Variants in DGKD observed in about 807,000 individuals in gnomAD.
DGKD encodes the protein diacylglycerol kinase delta, also known as DAG kinase delta.
Under a neutral mutation model 154.4 loss-of-function variants are expected in DGKD, and 68 were observed. That is an observed-to-expected ratio of 0.44 (90% confidence interval 0.36 to 0.54). The LOEUF is 0.54. DGKD is among the 20% of genes least tolerant of loss of function. DGKD has a pLI of 0.00. For missense variants in DGKD, 1,343 were observed against 1,593.6 expected (o/e 0.84, Z 2.68); for synonymous variants, 693 against 638.0 (o/e 1.09, Z -1.30).
At position 233,459,849 on chromosome 2, in the gene DGKD, G is replaced by C. The variant is rs1370732000; in HGVS notation, c.2787G>C (p.Arg929=). The part of the protein sequence containing the change: ...EAWVQPPGYI[R]IVHKNRAQTL... ...GGGTCCAGCCGCCAGGGTACATTCG[G>C]ATTGTCCACAAGAACCGGGCACAGA... is the stretch of plus-strand genomic sequence containing the variant. The change falls in exon 23 of 30, where the codon CGG becomes CGC. Residue 929 remains arginine, a synonymous_variant. Transcript: ENST00000264057. This position sits in a 1 kb window ranked among gnomAD's most constrained non-coding sequence, Gnocchi z 5.7. 1.9e-6 allele frequency: 3 copies of C among 1,614,112 alleles called. No homozygotes were observed. The highest frequency in any genetic ancestry group is 8.5e-7 in the Non-Finnish European group (1 of 1,179,998).
At chr2:233,389,537 G>T (rs553219044) in intron 2 of DGKD, among the ~76,000 whole-genome samples, 1 of 150,508 alleles carries the variant, frequency 6.6e-6, no homozygotes, top group African/African-American at 2.5e-5. Flanking sequence ...GAACAAAGCA[G>T]CTTGTTTAGA....
At position 233,470,754 on chromosome 2, in the gene DGKD, C is replaced by T. The variant is rs2063986695; in HGVS notation, c.*1294C>T. ...GGGAAGAGGTTTCTGTAACCCCTGC[C>T]CTGGTGTGAGGAGGAAATGGCTCTG... On this transcript the variant is annotated 3_prime_UTR_variant, in exon 30 of 30. Transcript: ENST00000264057. The T allele has an allele frequency of 2.0e-5, 3 of 152,454 alleles. No individual in the cohort carries two copies. The highest frequency in any genetic ancestry group is 2.0e-4 in the Admixed American group (3 of 15,284). 9.4% of individuals were successfully genotyped at this position (152,454 alleles called of 1,614,324 possible).
intron 24 of DGKD, among the ~76,000 whole-genome samples, chr2:233,461,881 G>A (rs975438990): frequency 1.3e-5 from 2 of 152,240 alleles, no homozygotes; most frequent in South Asian, 4.1e-4. Flanking sequence ...TCCCTATGAG[G>A]GCTGCTATCT....
intron 1 of DGKD, among the ~76,000 whole-genome samples, chr2:233,361,512 T>C (rs956584831): frequency 6.6e-6 from 1 of 152,146 alleles, no homozygotes; most frequent in Non-Finnish European, 1.5e-5. Flanking sequence ...CAGTCGAAAC[T>C]ACAGGCTGTA....
chr2:233,460,131 T>C (rs1021781076), intron 23 of DGKD, 63 bp from the exon 24 acceptor site: 2 of 1,584,860 alleles, frequency 1.3e-6, no homozygotes, highest in Non-Finnish European at 1.7e-6. Flanking sequence ...ATCCCCATAG[T>C]GTCTGTCGCA....
rs1210000436 is a variant in DGKD at position 233,459,601 on chromosome 2, A to AG, written c.2695-155dup. Reference sequence around the variant, plus strand: ...TTGAGTGACACAACAGCAGAAGGCTAGCTGCAGGCGGAGCGCCATCCCAGA... The same window carrying AG: ...TTGAGTGACACAACAGCAGAAGGCTAGGCTGCAGGCGGAGCGCCATCCCAGA... On this transcript the variant is annotated intron_variant, in intron 22 of 29. Coordinates refer to ENST00000264057, the MANE Select transcript of DGKD (RefSeq NM_152879.3). This position sits in a 1 kb window ranked among gnomAD's most constrained non-coding sequence, Gnocchi z 5.7. Among the ~76,000 whole-genome samples, 1 of 152,174 alleles carries AG rather than the reference A, an allele frequency of 6.6e-6. No individual in the cohort carries two copies. Among genetic ancestry groups the AG allele is most frequent in the Non-Finnish European group, 1.5e-5 (1 of 68,018 alleles).
At position 233,450,001 on chromosome 2, in the gene DGKD, C is replaced by T; in HGVS notation, c.1908C>T (p.Ala636=). 1 of 1,608,050 alleles carries T rather than the reference C, an allele frequency of 6.2e-7. No homozygotes were observed. Among genetic ancestry groups the T allele is most frequent in the African/African-American group, 1.3e-5 (1 of 74,820 alleles). Residue 636 remains alanine (A), a synonymous_variant, in exon 16 of 30, where the codon GCC becomes GCT. Coordinates refer to ENST00000264057, the MANE Select transcript of DGKD (RefSeq NM_152879.3). ...GCACAGCTGTCGATGAGCAGAATGC[C>T]CAGACCCAGGAGCAGGAGGGCTTCG... The part of the protein sequence containing the change: ...HTEKAVDEQN[A]QTQEQEGFVL...
intron 1 of DGKD, among the ~76,000 whole-genome samples, chr2:233,371,492 G>T (rs1038720528): frequency 6.6e-6 from 1 of 152,088 alleles, no homozygotes. Context: ...TCTGTGAGTT[G>T]TGTTTTCACT....
chr2:233,386,954 A>G (rs1452100539), intron 1 of DGKD, among the ~76,000 whole-genome samples: 1 of 152,200 alleles, frequency 6.6e-6, no homozygotes, highest in Non-Finnish European at 1.5e-5. Flanking sequence ...GGCAGTTTGC[A>G]TTGGCCTGTG....
At position 233,457,811 on chromosome 2, in the gene DGKD, C is replaced by T; in HGVS notation, c.2581-473C>T. ...CAGGAGAGGGCTGCAGGGCCTGGGTCACACTGGGCTGTGTGAGCTGGGGAA... is the reference window on the plus strand; with the variant it reads ...CAGGAGAGGGCTGCAGGGCCTGGGTTACACTGGGCTGTGTGAGCTGGGGAA... On this transcript the variant is annotated intron_variant, in intron 21 of 29. Transcript: ENST00000264057. This position sits in a 1 kb window ranked among gnomAD's most constrained non-coding sequence, Gnocchi z 5.5. 2.9e-6 allele frequency: 1 copy of T among 345,166 alleles called. No homozygotes were observed. The highest frequency in any genetic ancestry group is 2.3e-5 in the South Asian group (1 of 43,828). The allele number at this position is 345,166 out of a possible 1,614,324, so 21.4% of individuals were successfully genotyped here. A position where few individuals can be genotyped will look rare whatever the true frequency, so the allele number is the denominator to read the frequency against.
intron 3 of DGKD, among the ~76,000 whole-genome samples, chr2:233,430,583 A>G (rs937073553): frequency 2.6e-5 from 4 of 152,250 alleles, no homozygotes; most frequent in Admixed American, 6.5e-5. Context: ...AAAGCAGCCT[A>G]TGGGAACCAA....
At chr2:233,453,250 C>G (rs1019115714) in intron 18 of DGKD, among the ~76,000 whole-genome samples, 5 of 152,160 alleles carry the variant, frequency 3.3e-5, no homozygotes, top group African/African-American at 1.2e-4. Context: ...TGTGTGGGCC[C>G]CATTGTAGCT....
At chr2:233,419,156 C>G (rs2062038948) in intron 3 of DGKD, 1 of 942,118 alleles carries the variant, frequency 1.1e-6, no homozygotes, top group South Asian at 4.9e-5. Context: ...TCTCGGCCAC[C>G]TTTCCAAGCG....
Position 233,452,726 on chromosome 2 carries a change from T to C in DGKD, c.2264+666T>C, listed in dbSNP as rs2063333112. Among the ~76,000 whole-genome samples the C allele has an allele frequency of 6.6e-6, 1 of 152,200 alleles. No homozygotes were observed. The highest frequency in any genetic ancestry group is 2.1e-4 in the South Asian group (1 of 4,834). On this transcript the variant is annotated intron_variant, in intron 18 of 29. Coordinates refer to ENST00000264057, the MANE Select transcript of DGKD (RefSeq NM_152879.3). The surrounding 1 kb of genome is among the most constrained non-coding windows in gnomAD (Gnocchi z 4.0). Reference sequence around the variant, plus strand: ...CAGTTTAATGCAGTCTTCCTAGGTATTGGAGTCCATTTTGGAGACAAGTGG... The same window carrying C: ...CAGTTTAATGCAGTCTTCCTAGGTACTGGAGTCCATTTTGGAGACAAGTGG...
intron 1 of DGKD, among the ~76,000 whole-genome samples, chr2:233,385,261 TGGGCATATGTCTGTC>T (rs1703111459): frequency 6.6e-6 from 1 of 152,198 alleles, no homozygotes; most frequent in Admixed American, 6.5e-5. Context: ...ACCTGTGGGC[TGGGCATATGTCTGTC>T]GGGTCAGTGG....
At chr2:233,379,572 G>A (rs540470067) in intron 1 of DGKD, among the ~76,000 whole-genome samples, 72 of 152,294 alleles carry the variant, frequency 4.7e-4, no homozygotes, top group South Asian at 2.3e-3. Context: ...CACTGGTGGG[G>A]TGGGGCCAGT....
intron 3 of DGKD, among the ~76,000 whole-genome samples, chr2:233,394,712 T>G (rs1461792385): frequency 1.0e-5 from 1 of 98,214 alleles, no homozygotes; most frequent in Non-Finnish European, 2.0e-5. Context: ...TTTTTTTTTT[T>G]TTTTTTTTTT....
chr2:233,384,034 A>G (rs1365165235), intron 1 of DGKD, among the ~76,000 whole-genome samples: 2 of 151,896 alleles, frequency 1.3e-5, no homozygotes, highest in African/African-American at 4.9e-5. Flanking sequence ...ATGACAAAAA[A>G]ATAGCAAGGT....
At chr2:233,422,343 C>A (rs1019262488) in intron 3 of DGKD, among the ~76,000 whole-genome samples, 1 of 152,214 alleles carries the variant, frequency 6.6e-6, no homozygotes, top group African/African-American at 2.4e-5. Flanking sequence ...AGGGCCCTGC[C>A]TTGTGCAGGC....
Sources: gnomAD v4.1 joint callset for allele counts (sites outside exome capture counted in the v4.1 genomes callset) on GRCh38, gnomAD v4.1.1 for gene constraint, Gnocchi (gnomAD v3.1) non-coding constraint, MANE v1.5 for transcripts, NCBI Gene and HGNC (gene_info 2026-07-23, HGNC 2026-07-21) for gene names.